The following NAT16 variants were observed in gnomAD, a reference collection of about 807,000 sequenced individuals.
NAT16 encodes the protein probable N-acetyltransferase 16.
NAT16 carries 16 observed loss-of-function variants against 15.9 expected under a neutral mutation model. The ratio of observed to expected loss-of-function variants is 1.01; its 90% CI spans 0.68 to 1.53. NAT16 has a LOEUF of 1.53. NAT16 is among the 40% of genes most tolerant of loss of function. NAT16 has a pLI of 0.00. For missense variants in NAT16, 572 were observed against 508.4 expected (o/e 1.13, Z -1.20); for synonymous variants, 260 against 241.9 (o/e 1.07, Z -0.69).
At chr7:101,175,044 T>A (rs1797437316) in intron 1 of NAT16, among the ~76,000 whole-genome samples, 1 of 152,174 alleles carries the variant, frequency 6.6e-6, no homozygotes, top group South Asian at 2.1e-4. Flanking sequence ...AACCTCTGCC[T>A]CCCCGCTTCA....
intron 1 of NAT16, among the ~76,000 whole-genome samples, chr7:101,178,595 G>A (rs778900995): frequency 2.6e-5 from 4 of 151,734 alleles, no homozygotes; most frequent in African/African-American, 4.8e-5. Context: ...TTTCTTGGCC[G>A]GGCGTGGTGG....
intron 1 of NAT16, among the ~76,000 whole-genome samples, chr7:101,178,336 G>A (rs952026350): frequency 6.6e-6 from 1 of 152,018 alleles, no homozygotes; most frequent in Admixed American, 6.6e-5. Flanking sequence ...AACCTTGGAG[G>A]AGGCGAGTAA....
Position 101,180,271 on chromosome 7 carries a change from C to A in NAT16, c.-234G>T, listed in dbSNP as rs1443175516. On this transcript the variant is annotated 5_prime_UTR_variant, in exon 1 of 4. Transcript: ENST00000300303. ...TGGCGACGCGGGCCGGGGCGCCCAT[C>A]GGTTCAGGGGTTCGGGTGGCACGCG... 1 of 152,310 alleles carries A rather than the reference C, an allele frequency of 6.6e-6. No homozygotes were observed. The highest frequency in any genetic ancestry group is 1.5e-5 in the Non-Finnish European group (1 of 68,060). The allele number at this position is 152,310 out of a possible 1,614,324, so 9.4% of individuals were successfully genotyped here.
In NAT16 at chr7:101,180,259, C is replaced by T. The variant is rs1797560462; in HGVS notation, c.-222G>A. 1 of 152,202 alleles carries T rather than the reference C, an allele frequency of 6.6e-6. No homozygotes were observed. Among genetic ancestry groups the T allele is most frequent in the Admixed American group, 6.5e-5 (1 of 15,282 alleles). The allele number at this position is 152,202 out of a possible 1,614,324, so 9.4% of individuals were successfully genotyped here. A position where few individuals can be genotyped will look rare whatever the true frequency, so the allele number is the denominator to read the frequency against. ...CCGCAGCTCCGTTGGCGACGCGGGCCGGGGCGCCCATCGGTTCAGGGGTTC... is the reference window on the plus strand; with the variant it reads ...CCGCAGCTCCGTTGGCGACGCGGGCTGGGGCGCCCATCGGTTCAGGGGTTC... On this transcript the variant is annotated 5_prime_UTR_variant, in exon 1 of 4. Transcript: ENST00000300303.
At chr7:101,175,243 C>A (rs902212129) in intron 1 of NAT16, among the ~76,000 whole-genome samples, 1 of 152,056 alleles carries the variant, frequency 6.6e-6, no homozygotes, top group Non-Finnish European at 1.5e-5. Flanking sequence ...GTGTGAGCCA[C>A]CACATTGGCC....
chr7:101,174,202 C>T (rs1345339547), intron 2 of NAT16: 2 of 506,584 alleles, frequency 3.9e-6, no homozygotes, highest in Non-Finnish European at 6.9e-6. Context: ...CCCTCTCTCT[C>T]CTGCTCCCCA....
Position 101,172,135 on chromosome 7 carries a change from C to A in NAT16, c.1054G>T (p.Gly352Ter). The A allele has an allele frequency of 6.2e-7, 1 of 1,614,108 alleles. No individual in the cohort carries two copies. The highest frequency in any genetic ancestry group is 8.5e-7 in the Non-Finnish European group (1 of 1,179,998). Residue 352 changes from glycine (G) to a stop codon, truncating the protein, a stop_gained, in exon 4 of 4, where the codon GGA becomes TGA. Transcript: ENST00000300303. LOFTEE classifies it high-confidence loss of function. This position sits in a 1 kb window ranked among gnomAD's most constrained non-coding sequence, Gnocchi z 4.2. Reference sequence around the variant, plus strand: ...GTATAACCCTTCACCAGCTCCAGTCCCAGCCCGACCTGGCAGAAGTCAGCC... The same window carrying A: ...GTATAACCCTTCACCAGCTCCAGTCACAGCCCGACCTGGCAGAAGTCAGCC... The part of the protein sequence containing the change: ...QLADFCQVGL[G>*]LELVKGYTEQ...
chr7:101,171,923 A>T lies in NAT16; in HGVS notation c.*156T>A. ...AGGCAAGATAGTAAGGGCAAAAGGGACAGAGTGGGGGGACCTGCGCCGGTA... is the reference window on the plus strand; with the variant it reads ...AGGCAAGATAGTAAGGGCAAAAGGGTCAGAGTGGGGGGACCTGCGCCGGTA... On this transcript the variant is annotated 3_prime_UTR_variant, in exon 4 of 4. Coordinates refer to ENST00000300303, the MANE Select transcript of NAT16 (RefSeq NM_198571.3). The T allele has an allele frequency of 1.6e-6, 1 of 607,488 alleles. No individual in the cohort carries two copies. The highest frequency in any genetic ancestry group is 2.9e-6 in the Non-Finnish European group (1 of 339,648). 37.6% of individuals were successfully genotyped at this position (607,488 alleles called of 1,614,324 possible).
intron 1 of NAT16, chr7:101,179,369 G>GAAA (rs3988237): frequency 0.073 from 9,975 of 137,240 alleles, 582 homozygotes; most frequent in African/African-American, 0.14. Flanking sequence ...CCCAGCAGAT[G>GAAA]AAAAAAAAAA....
rs192136777 is a variant in NAT16, at chr7:101,172,958, G to A, written c.538-307C>T. On this transcript the variant is annotated intron_variant, in intron 3 of 3. Coordinates refer to ENST00000300303, the MANE Select transcript of NAT16 (RefSeq NM_198571.3). This position sits in a 1 kb window ranked among gnomAD's most constrained non-coding sequence, Gnocchi z 4.2. ...CGGGTCTCCAGGGACGTGAAAGCCA[G>A]GGAGGCCGATCAGTCAGTAGGATTG... Among the ~76,000 whole-genome samples the A allele has an allele frequency of 6.6e-6, 1 of 152,308 alleles. No homozygotes were observed. Among genetic ancestry groups the A allele is most frequent in the East Asian group, 1.9e-4 (1 of 5,170 alleles).
chr7:101,176,503 G>GA (rs71895915), intron 1 of NAT16, among the ~76,000 whole-genome samples: 89,403 of 118,736 alleles, frequency 0.75, 34,064 homozygotes, highest in African/African-American at 0.87. Flanking sequence ...TCTGTCTCAA[G>GA]AAAAAAAAAA....
chr7:101,172,409 C>T lies in NAT16; in HGVS notation c.780G>A (p.Ala260=), dbSNP rs186842502. 1.9e-6 allele frequency: 3 copies of T among 1,577,966 alleles called. No homozygotes were observed. Among genetic ancestry groups the T allele is most frequent in the Admixed American group, 3.6e-5 (2 of 54,828 alleles). Residue 260 remains alanine (A), a synonymous_variant, in exon 4 of 4, where the codon GCG becomes GCA. Coordinates refer to ENST00000300303, the MANE Select transcript of NAT16 (RefSeq NM_198571.3). This position sits in a 1 kb window ranked among gnomAD's most constrained non-coding sequence, Gnocchi z 4.2. ...CCACGCGCCACTCCAGGCCCTTGGC[C>T]GCCAGCAGGCGCAGGTTGCTTTCGC... ...RPSESNLRLL[A]AKGLEWRVDS...
At chr7:101,173,626 C>G (rs1282589402) in intron 2 of NAT16, 106 bp from the exon 3 acceptor site, 10 of 1,055,006 alleles carry the variant, frequency 9.5e-6, no homozygotes, top group Non-Finnish European at 1.2e-5. Flanking sequence ...CTCCGCGTCA[C>G]CACCCGGGCA....
At chr7:101,175,909 G>C (rs1340972024) in intron 1 of NAT16, among the ~76,000 whole-genome samples, 8 of 114,046 alleles carry the variant, frequency 7.0e-5, no homozygotes, top group Admixed American at 4.0e-4. Context: ...GTGACAGAGA[G>C]AGAACCTGTG....
Position 101,171,833 on chromosome 7 carries a change from C to T in NAT16, c.*246G>A, listed in dbSNP as rs1797328641. The T allele has an allele frequency of 1.2e-5, 6 of 498,190 alleles. No individual in the cohort carries two copies. In the South Asian group the frequency reaches 1.7e-4, roughly 14 times the overall value. The allele number at this position is 498,190 out of a possible 1,614,324, so 30.9% of individuals were successfully genotyped here. On this transcript the variant is annotated 3_prime_UTR_variant, in exon 4 of 4. Coordinates refer to ENST00000300303, the MANE Select transcript of NAT16 (RefSeq NM_198571.3). ...AACAGCAGCTCAAGGCCCCCACCCC[C>T]AGCCCCCACCTAATAGTCCGCAAGT... is the stretch of plus-strand genomic sequence containing the variant.
At chr7:101,174,914 C>CTTTCTT (rs990396586) in intron 1 of NAT16, 103 bp from the exon 2 acceptor site, 5 of 1,247,466 alleles carry the variant, frequency 4.0e-6, no homozygotes, top group Non-Finnish European at 3.0e-6. Flanking sequence ...CACAAATAGC[C>CTTTCTT]TTTCTTTTTC....
rs1018150948 is a variant in NAT16, at chr7:101,172,754, C to A, written c.538-103G>T. 108 of 963,988 alleles carry A rather than the reference C, an allele frequency of 1.1e-4. No individual in the cohort carries two copies. The highest frequency in any genetic ancestry group is 1.5e-4 in the Non-Finnish European group (102 of 687,958). 59.7% of individuals were successfully genotyped at this position (963,988 alleles called of 1,614,324 possible). ...TCACTCCCACGTTCACGCCCACGGG[C>A]TCCCACCTGGGTCCCTCTGGAGGAG... On this transcript the variant is annotated intron_variant, in intron 3 of 3. Transcript: ENST00000300303. The surrounding 1 kb of genome is among the most constrained non-coding windows in gnomAD (Gnocchi z 4.2).
rs890696606 is a variant in NAT16, at chr7:101,171,112, C to T, written c.*967G>A. 3 of 152,376 alleles carry T rather than the reference C, an allele frequency of 2.0e-5. No individual in the cohort carries two copies. In the East Asian group the frequency reaches 5.8e-4, roughly 29 times the overall value. The allele number at this position is 152,376 out of a possible 1,614,324, so 9.4% of individuals were successfully genotyped here. A position where few individuals can be genotyped will look rare whatever the true frequency, so the allele number is the denominator to read the frequency against. ...GGCCTGGTTGGAACCAGGAGACAGC[C>T]CCTATGCCAGGCTGAGGGACCCGCC... is the stretch of plus-strand genomic sequence containing the variant. On this transcript the variant is annotated 3_prime_UTR_variant, in exon 4 of 4. Transcript: ENST00000300303.
At position 101,173,449 on chromosome 7, in the gene NAT16, G is replaced by A; in HGVS notation, c.384C>T (p.Pro128=). The A allele has an allele frequency of 1.2e-6, 2 of 1,612,200 alleles. No homozygotes were observed. The highest frequency in any genetic ancestry group is 1.1e-5 in the South Asian group (1 of 90,972). Residue 128 remains proline (P), a synonymous_variant, in exon 3 of 4, where the codon CCC becomes CCT. Transcript: ENST00000300303. Reference sequence around the variant, plus strand: ...CGGCCACGCCCTTCCCGCGCTCCCAGGGCGCCACGCGCAGCCCCTCCACCA... The same window carrying A: ...CGGCCACGCCCTTCCCGCGCTCCCAAGGCGCCACGCGCAGCCCCTCCACCA... ...TVLVEGLRVA[P]WERGKGVAGL...
Sources: gnomAD v4.1 joint callset for allele counts (sites outside exome capture counted in the v4.1 genomes callset) on GRCh38, gnomAD v4.1.1 for gene constraint, Gnocchi (gnomAD v3.1) non-coding constraint, MANE v1.5 for transcripts, NCBI Gene and HGNC (gene_info 2026-07-23, HGNC 2026-07-21) for gene names.